Variants in FGFBP1 observed in about 807,000 individuals in gnomAD.
FGFBP1 encodes fibroblast growth factor binding protein 1, also known as fibroblast growth factor-binding protein 1.
In FGFBP1, 12 loss-of-function variants were observed where a neutral mutation model predicts 14.6. The ratio of observed to expected loss-of-function variants is 0.82; its 90% CI spans 0.53 to 1.33. The LOEUF is 1.33. FGFBP1 is among the 40% of genes most tolerant of loss of function. The pLI is 0.00. For missense variants in FGFBP1, 317 were observed against 271.8 expected, an observed-to-expected ratio of 1.17 and a Z score of -1.17; for synonymous variants, 117 against 105.0, an observed-to-expected ratio of 1.11 and a Z score of -0.70.
chr4:15,938,063 G>T (rs2245956), intron 2 of FGFBP1, among the ~76,000 whole-genome samples, 188 bp downstream of exon 2: 109,992 of 152,046 alleles, frequency 0.72, 40,729 homozygotes, highest in Non-Finnish European at 0.8. Flanking sequence ...TCACAAAAGG[G>T]CAGAGAACAG....
chr4:15,936,980 C>T (rs1224623924), intron 2 of FGFBP1, among the ~76,000 whole-genome samples: 1 of 152,268 alleles, frequency 6.6e-6, no homozygotes, highest in Non-Finnish European at 1.5e-5. Context: ...TATATGCCCC[C>T]CACCAGACTA....
Position 15,935,854 on chromosome 4 carries a change from T to C in FGFBP1, c.*74A>G, listed in dbSNP as rs1712461816. 3.3e-6 allele frequency: 3 copies of C among 903,364 alleles called. No individual in the cohort carries two copies. Among genetic ancestry groups the C allele is most frequent in the Admixed American group, 2.5e-5 (1 of 40,762 alleles). 56.0% of individuals were successfully genotyped at this position (903,364 alleles called of 1,614,324 possible). Reference sequence around the variant, plus strand: ...AAAAGTTCATATTTTGGGGGGACTGTAGAGAGCTTTAAAGTATACAGAGGG... The same window carrying C: ...AAAAGTTCATATTTTGGGGGGACTGCAGAGAGCTTTAAAGTATACAGAGGG... On this transcript the variant is annotated 3_prime_UTR_variant, in exon 3 of 3. Coordinates refer to ENST00000382333, the MANE Select transcript of FGFBP1 (RefSeq NM_005130.5).
At position 15,936,385 on chromosome 4, in the gene FGFBP1, A is replaced by T. The variant is rs769915819; in HGVS notation, c.248T>A (p.Val83Asp). ...TTCATGGTCCAATTGAGTGCACTCAACCTTGAGAGAGATGCCCTCCTCCTG... is the reference window on the plus strand; with the variant it reads ...TTCATGGTCCAATTGAGTGCACTCATCCTTGAGAGAGATGCCCTCCTCCTG... Reference protein sequence around the residue: ...TEQEEGISLKVECTQLDHEFS... With the variant: ...TEQEEGISLKDECTQLDHEFS... The change falls in exon 3 of 3, where the codon GTT becomes GAT. Residue 83 changes from valine to aspartate, a missense_variant. Transcript: ENST00000382333. The T allele has an allele frequency of 1.2e-6, 2 of 1,614,092 alleles. No homozygotes were observed. The highest frequency in any genetic ancestry group is 1.7e-6 in the Non-Finnish European group (2 of 1,180,000).
intron 1 of FGFBP1, 79 bp downstream of exon 1, chr4:15,938,608 C>A (rs12503796): frequency 0.41 from 62,724 of 152,108 alleles, 13,923 homozygotes; most frequent in East Asian, 0.58. Flanking sequence ...GGGAGAGGAC[C>A]CCAGCAGTGA....
At position 15,936,088 on chromosome 4, in the gene FGFBP1, G is replaced by C; in HGVS notation, c.545C>G (p.Ser182Cys). Residue 182 changes from serine to cysteine, a missense_variant, in exon 3 of 3, where the codon TCT becomes TGT. Physicochemically the swap from Ser to Cys is moderately radical, Grantham distance 112. Coordinates refer to ENST00000382333, the MANE Select transcript of FGFBP1 (RefSeq NM_005130.5). Reference protein sequence around the residue: ...EHIKGKETTPSSLAVTQTMAT... With the variant: ...EHIKGKETTPCSLAVTQTMAT... Reference sequence around the variant, plus strand: ...CATGGTCTGGGTCACTGCTAGGCTAGAGGGGGTGGTCTCTTTGCCTTTGAT... The same window carrying C: ...CATGGTCTGGGTCACTGCTAGGCTACAGGGGGTGGTCTCTTTGCCTTTGAT... 3 of 1,614,138 alleles carry C rather than the reference G, an allele frequency of 1.9e-6. No homozygotes were observed. The highest frequency in any genetic ancestry group is 2.2e-5 in the South Asian group (2 of 91,090).
At position 15,935,879 on chromosome 4, in the gene FGFBP1, G is replaced by C; in HGVS notation, c.*49C>G. ...TAGAGAGCTTTAAAGTATACAGAGG[G>C]ACTTACGACATGACATCTCTTAAGG... On this transcript the variant is annotated 3_prime_UTR_variant, in exon 3 of 3. Transcript: ENST00000382333. The C allele has an allele frequency of 8.0e-7, 1 of 1,243,978 alleles. No homozygotes were observed. Among genetic ancestry groups the C allele is most frequent in the Non-Finnish European group, 1.1e-6 (1 of 882,150 alleles). The allele number at this position is 1,243,978 out of a possible 1,614,324, so 77.1% of individuals were successfully genotyped here.
chr4:15,935,684 A>G lies in FGFBP1; in HGVS notation c.*244T>C, dbSNP rs34948863. On this transcript the variant is annotated 3_prime_UTR_variant, in exon 3 of 3. Coordinates refer to ENST00000382333, the MANE Select transcript of FGFBP1 (RefSeq NM_005130.5). ...CAGCTCAAAGACTCTTCGCTGCTCA[A>G]ACACATAGCTGTGTGGGCCATGGAA... The G allele has an allele frequency of 6.1e-4, 231 of 376,942 alleles. No homozygotes were observed. Among genetic ancestry groups the G allele is most frequent in the Non-Finnish European group, 4.6e-4 (98 of 211,526 alleles). 23.3% of individuals were successfully genotyped at this position (376,942 alleles called of 1,614,324 possible).
At chr4:15,936,676 T>G in intron 2 of FGFBP1, 24 bp from the exon 3 acceptor site, 1 of 1,436,204 alleles carries the variant, frequency 7.0e-7, no homozygotes, top group Non-Finnish European at 9.6e-7. Context: ...GGCAAGTGAG[T>G]CAGTGGCAGG....
Position 15,936,638 on chromosome 4 carries a change from C to A in FGFBP1, c.-6G>T. ...GTGAGGCTACAGATCTTCATGGCTG[C>A]AGCTGGGCGTTCACCTGTTTGACAA... On this transcript the variant is annotated 5_prime_UTR_variant, in exon 3 of 3. Transcript: ENST00000382333. 6.3e-7 allele frequency: 1 copy of A among 1,593,514 alleles called. No individual in the cohort carries two copies. The highest frequency in any genetic ancestry group is 8.5e-7 in the Non-Finnish European group (1 of 1,170,988).
At chr4:15,937,064 T>C (rs1203728106) in intron 2 of FGFBP1, among the ~76,000 whole-genome samples, 3 of 152,102 alleles carry the variant, frequency 2.0e-5, no homozygotes, top group African/African-American at 7.2e-5. Flanking sequence ...TTGGGAGAAT[T>C]TAAATAGCAT....
In FGFBP1 at chr4:15,936,401, C is replaced by T. The variant is rs768019266; in HGVS notation, c.232G>A (p.Gly78Ser). The change falls in exon 3 of 3, where the codon GGC (glycine) becomes AGC (serine). Residue 78 changes from glycine (G) to serine (S), a missense_variant. By Grantham distance (56) the Gly-to-Ser change is moderately conservative. Coordinates refer to ENST00000382333, the MANE Select transcript of FGFBP1 (RefSeq NM_005130.5). Reference sequence around the variant, plus strand: ...GTGCACTCAACCTTGAGAGAGATGCCCTCCTCCTGCTCAGTAGCAGCCCAT... The same window carrying T: ...GTGCACTCAACCTTGAGAGAGATGCTCTCCTCCTGCTCAGTAGCAGCCCAT... ...CRWAATEQEE[G>S]ISLKVECTQL... 1 of 1,614,068 alleles carries T rather than the reference C, an allele frequency of 6.2e-7. No individual in the cohort carries two copies. The highest frequency in any genetic ancestry group is 2.2e-5 in the East Asian group (1 of 44,886).
chr4:15,937,137 T>G (rs757774030), intron 2 of FGFBP1, among the ~76,000 whole-genome samples: 1 of 152,156 alleles, frequency 6.6e-6, no homozygotes, highest in South Asian at 2.1e-4. Flanking sequence ...GCTCCAAACT[T>G]TCAGCTCCAA....
At position 15,935,916 on chromosome 4, in the gene FGFBP1, C is replaced by T. The variant is rs375125596; in HGVS notation, c.*12G>A. The T allele has an allele frequency of 3.3e-5, 52 of 1,555,970 alleles. No homozygotes were observed. The African/African-American group carries it at 6.8e-4, about 20-fold the overall frequency. ...GACATCTCTTAAGGGAACCCGTTCT[C>T]TTTTGACCTCATTAGCATGACGTGT... On this transcript the variant is annotated 3_prime_UTR_variant, in exon 3 of 3. Coordinates refer to ENST00000382333, the MANE Select transcript of FGFBP1 (RefSeq NM_005130.5).
Position 15,935,795 on chromosome 4 carries a change from C to G in FGFBP1, c.*133G>C, listed in dbSNP as rs187451067. 2.0e-5 allele frequency: 12 copies of G among 592,030 alleles called. No individual in the cohort carries two copies. Among genetic ancestry groups the G allele is most frequent in the Non-Finnish European group, 3.2e-5 (11 of 348,678 alleles). 36.7% of individuals were successfully genotyped at this position (592,030 alleles called of 1,614,324 possible). ...AAACACAAAAGCAAAAAATACAAAA[C>G]TTGTTTAAATATTTCGTTGCACTCA... On this transcript the variant is annotated 3_prime_UTR_variant, in exon 3 of 3. Coordinates refer to ENST00000382333, the MANE Select transcript of FGFBP1 (RefSeq NM_005130.5).
chr4:15,938,515 A>G (rs976742615), intron 1 of FGFBP1, 44 bp from the exon 2 acceptor site: 1 of 152,514 alleles, frequency 6.6e-6, no homozygotes, highest in Admixed American at 6.5e-5. Flanking sequence ...GCATGCCATC[A>G]AACGCTTCCT....
At position 15,935,979 on chromosome 4, in the gene FGFBP1, C is replaced by G; in HGVS notation, c.654G>C (p.Trp218Cys). The G allele has an allele frequency of 6.2e-7, 1 of 1,613,812 alleles. No individual in the cohort carries two copies. Among genetic ancestry groups the G allele is most frequent in the Non-Finnish European group, 8.5e-7 (1 of 1,179,874 alleles). The change falls in exon 3 of 3, where the codon TGG becomes TGC. Residue 218 changes from tryptophan to cysteine, a missense_variant. Transcript: ENST00000382333. The stretch of plus-strand genomic sequence containing the variant: ...TGAGGAAGAATGTGCAGAGAGAGCT[C>G]CAAGTCTCTCCACAGAACTCCAGGG... Reference protein sequence around the residue: ...KTALEFCGETWSSLCTFFLSI... With the variant: ...KTALEFCGETCSSLCTFFLSI...
At position 15,935,781 on chromosome 4, in the gene FGFBP1, C is replaced by CA. The variant is rs1228882905; in HGVS notation, c.*146dup. The CA allele has an allele frequency of 4.9e-5, 28 of 571,946 alleles. 1 individual carries two copies. In the South Asian group the frequency reaches 8.3e-4, roughly 17 times the overall value. 35.4% of individuals were successfully genotyped at this position (571,946 alleles called of 1,614,324 possible). Reference sequence around the variant, plus strand: ...TAAGGCAAATTCCAAAACACAAAAGCAAAAAATACAAAACTTGTTTAAATA... The same window carrying CA: ...TAAGGCAAATTCCAAAACACAAAAGCAAAAAAATACAAAACTTGTTTAAATA... On this transcript the variant is annotated 3_prime_UTR_variant, in exon 3 of 3. Transcript: ENST00000382333.
chr4:15,936,054 T>C lies in FGFBP1; in HGVS notation c.579A>G (p.Lys193=), dbSNP rs1426021616. 2 of 1,614,006 alleles carry C rather than the reference T, an allele frequency of 1.2e-6. No homozygotes were observed. Among genetic ancestry groups the C allele is most frequent in the African/African-American group, 2.7e-5 (2 of 74,902 alleles). ...CTGGGTCCTCCACACACTCGGGAGC[T>C]TTGGTGGCCATGGTCTGGGTCACTG... ...SLAVTQTMAT[K]APECVEDPDM... Residue 193 remains lysine, a synonymous_variant, in exon 3 of 3, where the codon AAA becomes AAG. Coordinates refer to ENST00000382333, the MANE Select transcript of FGFBP1 (RefSeq NM_005130.5).
chr4:15,936,696 A>T, intron 2 of FGFBP1, 44 bp from the exon 3 acceptor site: 1 of 1,276,286 alleles, frequency 7.8e-7, no homozygotes, highest in Non-Finnish European at 1.1e-6. Flanking sequence ...GCAGCAGTTC[A>T]GCTGTGCAGG....
Sources: gnomAD v4.1 joint callset for allele counts (sites outside exome capture counted in the v4.1 genomes callset) on GRCh38, gnomAD v4.1.1 for gene constraint, MANE v1.5 for transcripts, NCBI Gene and HGNC (gene_info 2026-07-23, HGNC 2026-07-21) for gene names.